CDH13: variants seen among roughly 807,000 people sequenced by gnomAD.
CDH13 encodes the protein cadherin-13.
A neutral mutation model predicts 63.8 loss-of-function variants in CDH13; 24 were observed. The ratio of observed to expected loss-of-function variants is 0.38; its 90% CI spans 0.27 to 0.53. CDH13 has a LOEUF of 0.53. Among genes scored for constraint, CDH13 ranks in the 20% least tolerant of loss-of-function variants. The pLI, the probability that CDH13 is intolerant of heterozygous loss-of-function variation, is 0.85. For synonymous variants in CDH13, 503 were observed against 355.3 expected (o/e 1.42, Z -4.67); for missense variants, 1,049 against 903.1 (o/e 1.16, Z -2.07).
chr16:83,538,612 G>T (rs1317551715), intron 7 of CDH13, among the ~76,000 whole-genome samples: 1 of 152,206 alleles, frequency 6.6e-6, no homozygotes, highest in Non-Finnish European at 1.5e-5. Flanking sequence ...TAGAGCCATA[G>T]AGGAAAAGGG....
chr16:83,380,831 G>T (rs1340267976), intron 6 of CDH13, among the ~76,000 whole-genome samples: 6 of 142,640 alleles, frequency 4.2e-5, no homozygotes, highest in African/African-American at 1.3e-4. Context: ...ATTACCCAAG[G>T]TTTTTTTTTT....
chr16:83,365,561 A>G (rs936090356), intron 6 of CDH13, among the ~76,000 whole-genome samples: 1 of 152,182 alleles, frequency 6.6e-6, no homozygotes, highest in Non-Finnish European at 1.5e-5. Context: ...TCCTGCAGTT[A>G]TGTGGCCTCA....
intron 3 of CDH13, among the ~76,000 whole-genome samples, chr16:83,077,614 G>A (rs2032940861): frequency 6.6e-6 from 1 of 152,064 alleles, no homozygotes; most frequent in Non-Finnish European, 1.5e-5. Flanking sequence ...CTCTCCTATT[G>A]ATGGATGTCT....
At chr16:83,494,907 T>C (rs1176554967) in intron 7 of CDH13, among the ~76,000 whole-genome samples, 1 of 152,218 alleles carries the variant, frequency 6.6e-6, no homozygotes, top group Non-Finnish European at 1.5e-5. Context: ...TTATTGGACA[T>C]ATGGCACTAT....
At chr16:82,908,372 G>T (rs1365863541) in intron 2 of CDH13, among the ~76,000 whole-genome samples, 1 of 152,128 alleles carries the variant, frequency 6.6e-6, no homozygotes, top group African/African-American at 2.4e-5. Context: ...CAAGGTTGAT[G>T]AACACATGGT....
At chr16:83,383,834 C>T (rs1036724841) in intron 6 of CDH13, among the ~76,000 whole-genome samples, 6 of 152,192 alleles carry the variant, frequency 3.9e-5, no homozygotes, top group South Asian at 2.1e-4. Context: ...GGTTTCTTTT[C>T]ATGGAGGGTG....
chr16:82,727,924 A>T (rs1222982353), intron 1 of CDH13, among the ~76,000 whole-genome samples: 1 of 152,182 alleles, frequency 6.6e-6, no homozygotes, highest in South Asian at 2.1e-4. Flanking sequence ...TGTTCTGGAC[A>T]CAGCCCTGTG....
At chr16:83,140,702 G>T (rs1373643638) in intron 4 of CDH13, among the ~76,000 whole-genome samples, 3 of 152,124 alleles carry the variant, frequency 2.0e-5, no homozygotes, top group African/African-American at 4.8e-5. Flanking sequence ...TGATCCACCC[G>T]CCTGGGCCTC....
intron 1 of CDH13, among the ~76,000 whole-genome samples, chr16:82,736,365 G>C (rs1465808602): frequency 5.3e-5 from 8 of 152,316 alleles, no homozygotes; most frequent in Non-Finnish European, 8.8e-5. Context: ...ACTTCTTAAA[G>C]GTTGACACGG....
chr16:83,167,498 C>A (rs1187003239), intron 4 of CDH13, among the ~76,000 whole-genome samples: 4 of 96,766 alleles, frequency 4.1e-5, no homozygotes, highest in African/African-American at 2.2e-4. Context: ...AGACCCTTTC[C>A]CAAAAAAAAA....
intron 4 of CDH13, among the ~76,000 whole-genome samples, chr16:83,126,829 A>T (rs924699819): frequency 3.3e-5 from 5 of 152,186 alleles, no homozygotes; most frequent in Admixed American, 2.6e-4. Context: ...CAAGCTTTGG[A>T]CTGGGTGTGA....
chr16:83,123,107 C>CT (rs1322408777), intron 3 of CDH13, among the ~76,000 whole-genome samples: 2 of 151,704 alleles, frequency 1.3e-5, no homozygotes, highest in Admixed American at 1.3e-4. Flanking sequence ...TGATTTTATT[C>CT]TTTTTTTAGG....
At chr16:83,063,427 T>C (rs116844534) in intron 3 of CDH13, among the ~76,000 whole-genome samples, 3,009 of 152,212 alleles carry the variant, frequency 0.02, 159 homozygotes, top group East Asian at 0.15. Context: ...TAGATTCAGC[T>C]CTTCATGAAG....
chr16:83,355,985 G>C (rs974218436), intron 6 of CDH13, among the ~76,000 whole-genome samples: 5 of 152,148 alleles, frequency 3.3e-5, no homozygotes, highest in South Asian at 4.2e-4. Context: ...CACTCAGGGA[G>C]GTTAGGTGAC....
chr16:83,540,181 C>T (rs2075273624), intron 7 of CDH13, among the ~76,000 whole-genome samples: 1 of 151,628 alleles, frequency 6.6e-6, no homozygotes, highest in Non-Finnish European at 1.5e-5. Flanking sequence ...TCTCCTGCTT[C>T]AGCCTCCCGA....
In CDH13 at chr16:83,490,947, A is replaced by C. The variant is rs75898873; in HGVS notation, c.960+4292A>C. On this transcript the variant is annotated intron_variant, in intron 7 of 13. Coordinates refer to ENST00000567109, the MANE Select transcript of CDH13 (RefSeq NM_001257.5). ...TTCTCTCTCTCTATTCCCATTGCCAAATATAGCACCAGATAAATAATAGGC... is the reference window on the plus strand; with the variant it reads ...TTCTCTCTCTCTATTCCCATTGCCACATATAGCACCAGATAAATAATAGGC... 4.6e-4 allele frequency among the ~76,000 whole-genome samples: 70 copies of C among 152,340 alleles called. No homozygotes were observed. In the East Asian group the frequency reaches 0.011, roughly 24 times the overall value.
At chr16:82,638,520 G>C (rs1000165346) in intron 1 of CDH13, among the ~76,000 whole-genome samples, 3 of 152,140 alleles carry the variant, frequency 2.0e-5, no homozygotes, top group African/African-American at 7.2e-5. Flanking sequence ...AGAAATGTTG[G>C]TTGTATTACT....
intron 13 of CDH13, among the ~76,000 whole-genome samples, chr16:83,788,542 A>G (rs150006092): frequency 6.6e-6 from 1 of 151,476 alleles, no homozygotes; most frequent in Non-Finnish European, 1.5e-5. Flanking sequence ...TGTGGTCCTC[A>G]CTTTGAGACT....
chr16:83,072,277 A>C (rs1275507440), intron 3 of CDH13, among the ~76,000 whole-genome samples: 1 of 152,212 alleles, frequency 6.6e-6, no homozygotes, highest in Admixed American at 6.5e-5. Context: ...AGGTGTTCCA[A>C]AGATACTTCA....
Sources: allele counts gnomAD v4.1 joint callset (sites outside exome capture counted in the v4.1 genomes callset), GRCh38; gene constraint gnomAD v4.1.1; transcripts MANE v1.5; gene names NCBI Gene and HGNC (gene_info 2026-07-23, HGNC 2026-07-21).